Variants in ABCC5 observed in about 807,000 individuals in gnomAD.
ABCC5 encodes ATP binding cassette subfamily C member 5.
In ABCC5, 61 loss-of-function variants were observed where a neutral mutation model predicts 160.9. The observed-to-expected ratio is 0.38, with a 90% CI of 0.31 to 0.47. The LOEUF is 0.47. ABCC5 is among the 20% of genes least tolerant of loss of function. The pLI is 0.99. For synonymous variants in ABCC5, 666 were observed against 700.6 expected, an observed-to-expected ratio of 0.95 and a Z score of 0.78; for missense variants, 1,308 against 1,813.3, an observed-to-expected ratio of 0.72 and a Z score of 5.06.
chr3:183,944,183 C>A (rs1175551921), intron 24 of ABCC5, among the ~76,000 whole-genome samples: 2 of 152,050 alleles, frequency 1.3e-5, no homozygotes, highest in African/African-American at 4.8e-5. Context: ...TCGCTTGAGC[C>A]CAGGAGTTTG....
Position 183,965,503 on chromosome 3 carries a change from T to C in ABCC5, c.1834-2A>G. On this transcript the variant is annotated splice_acceptor_variant, in intron 12 of 29. Coordinates refer to ENST00000334444, the MANE Select transcript of ABCC5 (RefSeq NM_005688.4). LOFTEE classifies it high-confidence loss of function. ...AATGCTGCCCTCTAGAAGCGTCATCTAGGGAGAGAGACACCATCCAATGGC... is the reference window on the plus strand; with the variant it reads ...AATGCTGCCCTCTAGAAGCGTCATCCAGGGAGAGAGACACCATCCAATGGC... The C allele has an allele frequency of 6.2e-7, 1 of 1,613,690 alleles. No individual in the cohort carries two copies. The highest frequency in any genetic ancestry group is 8.5e-7 in the Non-Finnish European group (1 of 1,180,006).
chr3:183,993,483 CAAAAAAAAAAAAA>C (rs57885159), intron 2 of ABCC5, among the ~76,000 whole-genome samples: 1 of 105,490 alleles, frequency 9.5e-6, no homozygotes, highest in South Asian at 3.4e-4. Context: ...GACCCTGTCT[CAAAAAAAAAAAAA>C]AAAAAAAAGA....
At chr3:183,929,062 C>T (rs1712900806) in intron 26 of ABCC5, among the ~76,000 whole-genome samples, 1 of 152,164 alleles carries the variant, frequency 6.6e-6, no homozygotes, top group Admixed American at 6.6e-5. Context: ...GTAAATAATA[C>T]TAGTTATAGA....
Position 184,014,312 on chromosome 3 carries a change from A to T in ABCC5, c.81T>A (p.Ser27=). 6.2e-7 allele frequency: 1 copy of T among 1,614,176 alleles called. No homozygotes were observed. The highest frequency in any genetic ancestry group is 8.5e-7 in the Non-Finnish European group (1 of 1,180,016). ...YRSVRERTST[S]GTHRDREDSK... The stretch of plus-strand genomic sequence containing the variant: ...AATCTTCACGGTCTCTGTGCGTCCC[A>T]GAAGTGCTGGTTCTCTCCCTCACAC... The change falls in exon 2 of 30, where the codon TCT becomes TCA. Residue 27 remains serine (S), a synonymous_variant. Transcript: ENST00000334444.
Position 183,989,238 on chromosome 3 carries a change from C to T in ABCC5, c.275G>A (p.Arg92Gln). The T allele has an allele frequency of 1.2e-6, 2 of 1,610,104 alleles. No individual in the cohort carries two copies. Among genetic ancestry groups the T allele is most frequent in the South Asian group, 1.1e-5 (1 of 90,930 alleles). Residue 92 changes from arginine (R) to glutamine (Q), a missense_variant, in exon 3 of 30, where the codon CGG (arginine) becomes CAG (glutamine). Physicochemically the swap from Arg to Gln is conservative, Grantham distance 43. Around this residue, in one of 3 missense-constraint regions of ABCC5, gnomAD observed 1,142 missense variants for 1,527.1 expected, o/e 0.75. Coordinates refer to ENST00000334444, the MANE Select transcript of ABCC5 (RefSeq NM_005688.4). ...HHGLSALKPIRTTSKHQHPVD... is the reference protein window; with the variant it reads ...HHGLSALKPIQTTSKHQHPVD... ...CACGGCATCTTACTTGGAAGTAGTCCGGATGGGCTTCAGAGCACTCAAGCC... is the reference window on the plus strand; with the variant it reads ...CACGGCATCTTACTTGGAAGTAGTCTGGATGGGCTTCAGAGCACTCAAGCC...
chr3:184,013,142 T>C (rs1489259702), intron 2 of ABCC5, among the ~76,000 whole-genome samples: 1 of 152,250 alleles, frequency 6.6e-6, no homozygotes, highest in Non-Finnish European at 1.5e-5. Flanking sequence ...GAAATTAGAT[T>C]ATTATCTAAA....
At chr3:183,997,705 A>G (rs1053101930) in intron 2 of ABCC5, among the ~76,000 whole-genome samples, 14 of 152,214 alleles carry the variant, frequency 9.2e-5, no homozygotes, top group Admixed American at 9.2e-4. Flanking sequence ...TCTACATATC[A>G]TCAATTAATG....
rs898830478 is a variant in ABCC5, at chr3:183,951,709, G to A, written c.2815-139C>T. On this transcript the variant is annotated intron_variant, in intron 19 of 29. Coordinates refer to ENST00000334444, the MANE Select transcript of ABCC5 (RefSeq NM_005688.4). The surrounding 1 kb of genome is among the most constrained non-coding windows in gnomAD (Gnocchi z 4.7). ...GAGGGACAGGTGGCAAGTGAGAAAA[G>A]GTGGAGGCTAACGGAATATGAGTCA... is the stretch of plus-strand genomic sequence containing the variant. The A allele has an allele frequency of 2.7e-6, 4 of 1,466,146 alleles. No homozygotes were observed. In the African/African-American group the frequency reaches 4.2e-5, roughly 15 times the overall value. 90.8% of individuals were successfully genotyped at this position (1,466,146 alleles called of 1,614,324 possible). A position where few individuals can be genotyped will look rare whatever the true frequency, so the allele number is the denominator to read the frequency against.
chr3:184,016,148 CAG>C (rs1439890099), intron 1 of ABCC5, among the ~76,000 whole-genome samples: 6 of 152,252 alleles, frequency 3.9e-5, no homozygotes, highest in Admixed American at 6.5e-5. Context: ...AGCACAGGAG[CAG>C]AGAGAGGCAG....
chr3:184,008,276 T>TA (rs1401097252), intron 2 of ABCC5, among the ~76,000 whole-genome samples: 4 of 151,632 alleles, frequency 2.6e-5, no homozygotes, highest in South Asian at 2.1e-4. Context: ...GACTGCATCT[T>TA]AAAAAAAAAT....
chr3:183,929,192 G>A (rs1229931566), intron 26 of ABCC5, among the ~76,000 whole-genome samples: 1 of 152,130 alleles, frequency 6.6e-6, no homozygotes, highest in African/African-American at 2.4e-5. Flanking sequence ...CAGCACTTTG[G>A]GAGGCCGAGG....
At chr3:183,952,687 G>C (rs1417141829) in intron 18 of ABCC5, among the ~76,000 whole-genome samples, 1 of 152,218 alleles carries the variant, frequency 6.6e-6, no homozygotes, top group Non-Finnish European at 1.5e-5. Context: ...ACCTTGTGAA[G>C]AAGGTGCCTC....
chr3:184,004,213 TAAA>T (rs11298066), intron 2 of ABCC5, among the ~76,000 whole-genome samples: 46 of 141,266 alleles, frequency 3.3e-4, no homozygotes, highest in Non-Finnish European at 4.1e-4. Flanking sequence ...AGGCTTTAGC[TAAA>T]AAAAAAAAAA....
intron 9 of ABCC5, among the ~76,000 whole-genome samples, chr3:183,977,878 G>A (rs778919892): frequency 1.4e-4 from 21 of 152,034 alleles, no homozygotes; most frequent in Non-Finnish European, 2.5e-4. Context: ...TCAGCCTCCC[G>A]AGTAGCTGGG....
intron 26 of ABCC5, among the ~76,000 whole-genome samples, chr3:183,936,106 G>T (rs1242047011): frequency 6.6e-6 from 1 of 152,112 alleles, no homozygotes; most frequent in Non-Finnish European, 1.5e-5. Context: ...GAGATCATGA[G>T]GGTGGGGCCT....
chr3:184,001,532 C>T (rs1720741090), intron 2 of ABCC5, among the ~76,000 whole-genome samples: 1 of 152,118 alleles, frequency 6.6e-6, no homozygotes, highest in Non-Finnish European at 1.5e-5. Flanking sequence ...TTTGCTTGCC[C>T]AGAGGACATG....
At chr3:183,954,233 C>T (rs534524967) in intron 17 of ABCC5, among the ~76,000 whole-genome samples, 14 of 152,228 alleles carry the variant, frequency 9.2e-5, no homozygotes, top group African/African-American at 2.4e-4. Context: ...CTGCAACCTC[C>T]GCCTTCCCGG....
At chr3:183,956,679 A>C (rs368307780) in intron 17 of ABCC5, among the ~76,000 whole-genome samples, 36 of 86,938 alleles carry the variant, frequency 4.1e-4, no homozygotes, top group Admixed American at 9.3e-4. Context: ...TATATCATAT[A>C]GGTTACATGC....
intron 2 of ABCC5, among the ~76,000 whole-genome samples, chr3:184,006,103 G>A (rs1560054682): frequency 6.6e-6 from 1 of 152,072 alleles, no homozygotes; most frequent in Non-Finnish European, 1.5e-5. Flanking sequence ...GCCCCAGCGA[G>A]CTGTCAATGC....
Sources: gnomAD v4.1 joint callset for allele counts (sites outside exome capture counted in the v4.1 genomes callset) on GRCh38, gnomAD v4.1.1 for gene constraint, gnomAD v4.1.1 regional missense constraint, Gnocchi (gnomAD v3.1) non-coding constraint, MANE v1.5 for transcripts, NCBI Gene and HGNC (gene_info 2026-07-23, HGNC 2026-07-21) for gene names.